Variants in ALK observed in about 807,000 individuals in gnomAD.
The protein encoded by ALK is ALK tyrosine kinase receptor.
Under a neutral mutation model 163.1 loss-of-function variants are expected in ALK, and 74 were observed. The ratio of observed to expected loss-of-function variants is 0.45; its 90% CI spans 0.38 to 0.55. ALK has a LOEUF of 0.55. ALK is among the 20% of genes least tolerant of loss of function. The pLI is 0.00. For missense variants in ALK, 2,063 were observed against 2,105.3 expected, an observed-to-expected ratio of 0.98 and a Z score of 0.39; for synonymous variants, 960 against 843.2, an observed-to-expected ratio of 1.14 and a Z score of -2.40.
intron 3 of ALK, among the ~76,000 whole-genome samples, chr2:29,664,653 G>C (rs975434365): frequency 6.6e-6 from 1 of 152,086 alleles, no homozygotes; most frequent in African/African-American, 2.4e-5. Flanking sequence ...TTCACAAGCT[G>C]GTTCTAAACC....
chr2:29,656,133 G>T (rs549799813), intron 3 of ALK, among the ~76,000 whole-genome samples: 1 of 151,960 alleles, frequency 6.6e-6, no homozygotes, highest in Non-Finnish European at 1.5e-5. Flanking sequence ...AAAATTCATG[G>T]GACTGTACAC....
intron 1 of ALK, among the ~76,000 whole-genome samples, chr2:29,740,965 G>A (rs1449202956): frequency 6.6e-6 from 1 of 152,158 alleles, no homozygotes; most frequent in East Asian, 1.9e-4. Context: ...TCGTGCCACT[G>A]CATGCCAGCC....
At chr2:29,241,217 C>T (rs958336837) in intron 12 of ALK, among the ~76,000 whole-genome samples, 18 of 152,188 alleles carry the variant, frequency 1.2e-4, no homozygotes, top group South Asian at 8.3e-4. Context: ...ACTGAGGAGA[C>T]GATCTTCATG....
chr2:29,251,290 G>T, intron 11 of ALK, 23 bp from the exon 12 acceptor site: 1 of 1,609,510 alleles, frequency 6.2e-7, no homozygotes. Flanking sequence ...AGGAGAGGCA[G>T]TCACTCATGT....
intron 4 of ALK, among the ~76,000 whole-genome samples, chr2:29,476,387 C>T (rs942624917): frequency 3.9e-5 from 6 of 152,154 alleles, no homozygotes; most frequent in African/African-American, 1.4e-4. Flanking sequence ...CATTCTTTTC[C>T]ACTTGTAAAG....
chr2:29,687,227 G>A (rs1157393088), intron 3 of ALK, among the ~76,000 whole-genome samples: 1 of 151,922 alleles, frequency 6.6e-6, no homozygotes, highest in Middle Eastern at 3.2e-3. Flanking sequence ...ATATTCCTGA[G>A]CCTGCTGCAC....
At chr2:29,498,971 G>A (rs912980268) in intron 4 of ALK, among the ~76,000 whole-genome samples, 3 of 152,138 alleles carry the variant, frequency 2.0e-5, no homozygotes, top group Non-Finnish European at 4.4e-5. Flanking sequence ...TGCAGAAAAG[G>A]AGTCCAAGAC....
chr2:29,210,371 T>C (rs1451754467), intron 24 of ALK, among the ~76,000 whole-genome samples: 4 of 152,246 alleles, frequency 2.6e-5, no homozygotes, highest in Non-Finnish European at 4.4e-5. Context: ...AAAAGTGTTT[T>C]AGAACAGCAT....
At chr2:29,562,927 G>C (rs1674068813) in intron 3 of ALK, among the ~76,000 whole-genome samples, 1 of 152,188 alleles carries the variant, frequency 6.6e-6, no homozygotes, top group South Asian at 2.1e-4. Flanking sequence ...GAAATGATTT[G>C]TTTCCCAAAG....
In ALK at chr2:29,275,477, C is replaced by G. The variant is rs61744521; in HGVS notation, c.1837G>C (p.Ala613Pro). The change falls in exon 10 of 29, where the codon GCA becomes CCA. Residue 613 changes from alanine (A) to proline (P), a missense_variant. By Grantham distance (27) the Ala-to-Pro change is conservative (BLOSUM62 -1). This residue lies in a region of ALK where 987 missense variants were observed against 939.5 expected (regional missense o/e 1.05). Coordinates refer to ENST00000389048, the MANE Select transcript of ALK (RefSeq NM_004304.5). ...GCTCTGGATCCTTGTCCCCACCATG[C>G]GACCATCTGCAGCCAGAACCTGTAC... Reference protein sequence around the residue: ...VSDRFWLQMVAWWGQGSRAIV... With the variant: ...VSDRFWLQMVPWWGQGSRAIV... 6.2e-7 allele frequency: 1 copy of G among 1,614,080 alleles called. No homozygotes were observed. Among genetic ancestry groups the G allele is most frequent in the Non-Finnish European group, 8.5e-7 (1 of 1,180,010 alleles).
At chr2:29,847,449 T>C (rs1023681554) in intron 1 of ALK, among the ~76,000 whole-genome samples, 1 of 152,162 alleles carries the variant, frequency 6.6e-6, no homozygotes, top group Non-Finnish European at 1.5e-5. Flanking sequence ...ATCAGGTACA[T>C]ACTTAATGTT....
chr2:29,578,855 C>T lies in ALK; in HGVS notation c.953-46739G>A, dbSNP rs573986668. ...AGATCCCAGCCTGGGACTGCATCTACCCTGGAGTCCAGCTCTTCTCCCCAC... is the reference window on the plus strand; with the variant it reads ...AGATCCCAGCCTGGGACTGCATCTATCCTGGAGTCCAGCTCTTCTCCCCAC... On this transcript the variant is annotated intron_variant, in intron 3 of 28. Coordinates refer to ENST00000389048, the MANE Select transcript of ALK (RefSeq NM_004304.5). 4.6e-5 allele frequency among the ~76,000 whole-genome samples: 7 copies of T among 152,322 alleles called. No individual in the cohort carries two copies. In the South Asian group the frequency reaches 1.5e-3, roughly 32 times the overall value.
chr2:29,224,166 G>A (rs1160996471), intron 19 of ALK, among the ~76,000 whole-genome samples: 1 of 152,188 alleles, frequency 6.6e-6, no homozygotes, highest in Non-Finnish European at 1.5e-5. Context: ...TGGGATCTTG[G>A]TCAGTTGTGT....
chr2:29,333,477 C>T (rs367638457), intron 5 of ALK, among the ~76,000 whole-genome samples: 51 of 152,228 alleles, frequency 3.4e-4, no homozygotes, highest in Middle Eastern at 3.4e-3. Context: ...GAATTGCCAA[C>T]GTATCGATTA....
At chr2:29,275,579 A>C (rs958209293) in intron 9 of ALK, 83 bp from the exon 10 acceptor site, 12 of 1,395,632 alleles carry the variant, frequency 8.6e-6, no homozygotes, top group Non-Finnish European at 1.2e-5. Flanking sequence ...GTGTGTGCTG[A>C]TCACCTGGCT....
At chr2:29,466,495 T>A (rs964011615) in intron 4 of ALK, among the ~76,000 whole-genome samples, 1 of 152,240 alleles carries the variant, frequency 6.6e-6, no homozygotes, top group Non-Finnish European at 1.5e-5. Context: ...AAAATGTCAT[T>A]ATGTTTTTTA....
At chr2:29,618,385 C>T (rs751380802) in intron 3 of ALK, among the ~76,000 whole-genome samples, 5 of 152,082 alleles carry the variant, frequency 3.3e-5, no homozygotes, top group Non-Finnish European at 5.9e-5. Flanking sequence ...CTCGGTGCTA[C>T]CTTCAAGTTG....
chr2:29,453,636 T>C (rs1670878824), intron 4 of ALK, among the ~76,000 whole-genome samples: 1 of 152,140 alleles, frequency 6.6e-6, no homozygotes, highest in Non-Finnish European at 1.5e-5. Flanking sequence ...TAGTAGATAT[T>C]AAATATTTAT....
At chr2:29,688,898 C>T (rs578160998) in intron 3 of ALK, among the ~76,000 whole-genome samples, 1 of 152,268 alleles carries the variant, frequency 6.6e-6, no homozygotes, top group East Asian at 1.9e-4. Flanking sequence ...GGCCACTGAA[C>T]CCTGTGGGCC....
Sources: gnomAD v4.1 joint callset for allele counts (sites outside exome capture counted in the v4.1 genomes callset) on GRCh38, gnomAD v4.1.1 for gene constraint, gnomAD v4.1.1 regional missense constraint, MANE v1.5 for transcripts, NCBI Gene and HGNC (gene_info 2026-07-23, HGNC 2026-07-21) for gene names.